GGT1: variants seen among roughly 807,000 people sequenced by gnomAD.
The protein encoded by GGT1 is glutathione hydrolase 1 proenzyme.
Under a neutral mutation model 56.0 loss-of-function variants are expected in GGT1, and 21 were observed. That is an observed-to-expected ratio of 0.38 (90% CI 0.27 to 0.54). GGT1 has a LOEUF of 0.54. Ranked by LOEUF, GGT1 falls within the 20% of genes least tolerant of loss-of-function variation. The pLI is 0.82. For missense variants in GGT1, 466 were observed against 787.0 expected, an observed-to-expected ratio of 0.59 and a Z score of 4.88; for synonymous variants, 238 against 342.6, an observed-to-expected ratio of 0.69 and a Z score of 3.37.
intron 10 of GGT1, 84 bp downstream of exon 10, chr22:24,623,340 T>C: frequency 7.2e-7 from 1 of 1,385,406 alleles, no homozygotes; most frequent in East Asian, 2.5e-5. Flanking sequence ...GCATCTCTGC[T>C]CGCCCCCCAT....
intron 2 of GGT1, chr22:24,609,311 G>A (rs1366977452): frequency 6.6e-6 from 1 of 152,266 alleles, no homozygotes; most frequent in Non-Finnish European, 1.5e-5. Flanking sequence ...GATTCAGGCT[G>A]TGGTGGTCAC....
Position 24,627,868 on chromosome 22 carries a change from C to T in GGT1, c.1225C>T (p.Arg409Cys), listed in dbSNP as rs374750153. 895 of 1,613,530 alleles carry T rather than the reference C, an allele frequency of 5.5e-4. 1 individual carries two copies. Among genetic ancestry groups the T allele is most frequent in the Non-Finnish European group, 6.9e-4 (816 of 1,179,690 alleles). The change falls in exon 13 of 16, where the codon CGC (arginine) becomes TGC (cysteine). Residue 409 changes from arginine (R) to cysteine (C), a missense_variant. Physicochemically the swap from Arg to Cys is radical, Grantham distance 180. Coordinates refer to ENST00000400382, the MANE Select transcript of GGT1 (RefSeq NM_001288833.2). ...TINLYFGSKVRSPVSGILFNN... is the reference protein window; with the variant it reads ...TINLYFGSKVCSPVSGILFNN... ...GGGCGGTAGCTTTGGCTCCAAGGTC[C>T]GCTCCCCGGTCAGCGGGATCCTGTT... is the stretch of plus-strand genomic sequence containing the variant.
chr22:24,627,547 G>A lies in GGT1; in HGVS notation c.1136G>A (p.Gly379Glu), dbSNP rs781743521. 4 of 1,611,740 alleles carry A rather than the reference G, an allele frequency of 2.5e-6. No homozygotes were observed. The highest frequency in any genetic ancestry group is 2.3e-4 in the Middle Eastern group (1 of 4,430). The change falls in exon 12 of 16, where the codon GGG becomes GAG. Residue 379 changes from glycine (G) to glutamate (E), a missense_variant. Transcript: ENST00000400382. ...CCCGAGTTCTACACGCCGGATGACG[G>A]GGGCACTGCTCACCTGTCTGTCGTC... ...YKPEFYTPDDGGTAHLSVVAE... is the reference protein window; with the variant it reads ...YKPEFYTPDDEGTAHLSVVAE...
Position 24,614,987 on chromosome 22 carries a change from A to G in GGT1, c.296-54A>G. On this transcript the variant is annotated intron_variant, in intron 6 of 15. Transcript: ENST00000400382. ...GCACAGCTGGGCGGTCCCCAGGCTC[A>G]CGTGGCATAAAGGGTTTGGGTGGGC... 4 of 1,335,256 alleles carry G rather than the reference A, an allele frequency of 3.0e-6. No homozygotes were observed. The Admixed American group carries it at 5.3e-5, about 18-fold the overall frequency. 82.7% of individuals were successfully genotyped at this position (1,335,256 alleles called of 1,614,324 possible).
Position 24,620,868 on chromosome 22 carries a change from G to A in GGT1, c.576-45G>A, listed in dbSNP as rs187391074. ...GACGGGTGTGAGGGGTGGTCTAGCT[G>A]AGTCCACCCCACCTGCTGCCTCACA... On this transcript the variant is annotated intron_variant, in intron 8 of 15. Coordinates refer to ENST00000400382, the MANE Select transcript of GGT1 (RefSeq NM_001288833.2). This position sits in a 1 kb window ranked among gnomAD's most constrained non-coding sequence, Gnocchi z 5.6. 6.2e-7 allele frequency: 1 copy of A among 1,606,734 alleles called. No individual in the cohort carries two copies. Among genetic ancestry groups the A allele is most frequent in the Non-Finnish European group, 8.5e-7 (1 of 1,176,776 alleles).
intron 1 of GGT1, among the ~76,000 whole-genome samples, chr22:24,596,678 C>A (rs1283274659): frequency 6.8e-6 from 1 of 148,142 alleles, no homozygotes; most frequent in South Asian, 2.1e-4. Context: ...GGTGGACGGA[C>A]CATGAGGTCA....
chr22:24,620,543 C>T lies in GGT1; in HGVS notation c.575+23C>T. The T allele has an allele frequency of 6.2e-7, 1 of 1,611,260 alleles. No homozygotes were observed. The highest frequency in any genetic ancestry group is 8.5e-7 in the Non-Finnish European group (1 of 1,179,544). On this transcript the variant is annotated intron_variant, in intron 8 of 15. Transcript: ENST00000400382. This position sits in a 1 kb window ranked among gnomAD's most constrained non-coding sequence, Gnocchi z 5.6. ...GTGGTATGTCTGTGGGTGCGGCCCC[C>T]TGACACAGGCAGGGCAGGCACAGCC... is the stretch of plus-strand genomic sequence containing the variant.
At chr22:24,615,437 C>T (rs73879097) in intron 7 of GGT1, among the ~76,000 whole-genome samples, 5,491 of 152,268 alleles carry the variant, frequency 0.036, 355 homozygotes, top group African/African-American at 0.12. Flanking sequence ...CTGCTCTGTG[C>T]TTTTCACCCA....
At chr22:24,611,551 T>TATCTATC (rs1569054961) in intron 5 of GGT1, among the ~76,000 whole-genome samples, 52 of 31,228 alleles carry the variant, frequency 1.7e-3, no homozygotes, top group African/African-American at 3.5e-3. Context: ...ATCATCTATC[T>TATCTATC]ATCTATCTAT....
At chr22:24,591,952 GGCTCTGGCCCT>G (rs2045579832), upstream of GGT1, among the ~76,000 whole-genome samples, 2 of 152,210 alleles carry the variant, frequency 1.3e-5, no homozygotes, top group South Asian at 4.1e-4. Context: ...GAGGAAGAAG[GGCTCTGGCCCT>G]GGCTTGCCCC....
At chr22:24,605,048 A>G (rs1286834667) in intron 1 of GGT1, among the ~76,000 whole-genome samples, 2 of 68,164 alleles carry the variant, frequency 2.9e-5, no homozygotes, top group South Asian at 3.2e-4. Context: ...AATATGTAAT[A>G]TATTATATAT....
In GGT1 at chr22:24,623,839, C is replaced by T. The variant is rs754774013; in HGVS notation, c.943C>T (p.Arg315Cys). 6.2e-6 allele frequency: 10 copies of T among 1,611,756 alleles called. No individual in the cohort carries two copies. The highest frequency in any genetic ancestry group is 2.2e-5 in the East Asian group (1 of 44,858). Residue 315 changes from arginine (R) to cysteine (C), a missense_variant, in exon 11 of 16, where the codon CGC becomes TGC. Transcript: ENST00000400382. ...SPEQKGLTYH[R>C]IVEAFRFAYA... ...CGAGCAGAAGGGCCTGACGTACCAC[C>T]GCATCGTAGAGGCTTTCCGGTTTGC...
upstream of GGT1, among the ~76,000 whole-genome samples, chr22:24,594,076 TG>T (rs1013713493): frequency 1.3e-5 from 2 of 152,106 alleles, no homozygotes; most frequent in African/African-American, 4.8e-5. Flanking sequence ...CAGAGTGAGA[TG>T]GGGGCCCTGG....
the GGT1 span, chr22:24,589,144 T>C: frequency 1.8e-6 from 2 of 1,139,892 alleles, no homozygotes; most frequent in Non-Finnish European, 2.2e-6. Flanking sequence ...CTGGTTTTGG[T>C]TGGGGACTCA....
At chr22:24,586,427 A>G in the GGT1 span, 1 of 1,598,062 alleles carries the variant, frequency 6.3e-7, no homozygotes, top group Non-Finnish European at 8.5e-7. Flanking sequence ...GGAGAGTGGC[A>G]GGTGGGGATG....
chr22:24,588,683 G>C, the GGT1 span: 37 of 1,106,042 alleles, frequency 3.3e-5, no homozygotes, highest in Middle Eastern at 8.5e-4. Context: ...ACTTGCCACA[G>C]GGGGAGGAGG....
At chr22:24,599,760 G>GAGCCC (rs1441334399), upstream of GGT1, among the ~76,000 whole-genome samples, 1 of 152,210 alleles carries the variant, frequency 6.6e-6, no homozygotes, top group Non-Finnish European at 1.5e-5. Flanking sequence ...GAGCATTCCT[G>GAGCCC]AGCCCAGCAT....
chr22:24,587,834 C>T, the GGT1 span, among the ~76,000 whole-genome samples: 6 of 152,120 alleles, frequency 3.9e-5, no homozygotes, highest in Non-Finnish European at 8.8e-5. Context: ...ATGAGAATCG[C>T]GATCCAGAAT....
upstream of GGT1, among the ~76,000 whole-genome samples, chr22:24,602,884 G>A (rs8138031): frequency 0.066 from 10,072 of 151,854 alleles, 863 homozygotes; most frequent in African/African-American, 0.23. Context: ...CTGCAGCCCA[G>A]CTCTGTGGCC....
Sources: allele counts gnomAD v4.1 joint callset (sites outside exome capture counted in the v4.1 genomes callset), GRCh38; gene constraint gnomAD v4.1.1; non-coding constraint Gnocchi (gnomAD v3.1); transcripts MANE v1.5; gene names NCBI Gene and HGNC (gene_info 2026-07-23, HGNC 2026-07-21).